Variants in ELAPOR2 observed in about 807,000 individuals in gnomAD.
ELAPOR2 encodes the protein endosome-lysosome associated apoptosis and autophagy regulator family member 2, also known as endosome/lysosome-associated apoptosis and autophagy regulator family member 2.
In ELAPOR2, 89 loss-of-function variants were observed where a neutral mutation model predicts 120.7. That is an observed-to-expected ratio of 0.74 (90% CI 0.62 to 0.88). ELAPOR2 has a LOEUF of 0.88. Ranked by LOEUF, ELAPOR2 falls within the 40% of genes least tolerant of loss-of-function variation. ELAPOR2 has a pLI of 0.00. For synonymous variants in ELAPOR2, 444 were observed against 444.9 expected (o/e 1.00, Z 0.03); for missense variants, 1,134 against 1,251.6 (o/e 0.91, Z 1.42).
intron 1 of ELAPOR2, among the ~76,000 whole-genome samples, chr7:86,974,021 G>A (rs943818642): frequency 2.0e-5 from 3 of 151,756 alleles, no homozygotes; most frequent in Admixed American, 1.3e-4. Flanking sequence ...GGGTCTTCAC[G>A]TAACTGGGTA....
At chr7:87,003,763 G>A (rs1793389225) in intron 1 of ELAPOR2, among the ~76,000 whole-genome samples, 1 of 152,160 alleles carries the variant, frequency 6.6e-6, no homozygotes. Context: ...GCACAAGAGT[G>A]CCTGAAAGCT....
chr7:87,016,850 T>C (rs917065810), intron 1 of ELAPOR2, among the ~76,000 whole-genome samples: 1 of 152,026 alleles, frequency 6.6e-6, no homozygotes, highest in African/African-American at 2.4e-5. Flanking sequence ...AAAAGTTCTC[T>C]AAATGTCAAA....
chr7:86,961,880 G>A (rs1482354648), intron 2 of ELAPOR2, among the ~76,000 whole-genome samples: 2 of 152,188 alleles, frequency 1.3e-5, no homozygotes, highest in Non-Finnish European at 2.9e-5. Context: ...GGCTGAGCCT[G>A]GAGCTAGCGG....
At chr7:87,054,390 C>A (rs990080724) in intron 1 of ELAPOR2, among the ~76,000 whole-genome samples, 3 of 152,146 alleles carry the variant, frequency 2.0e-5, no homozygotes, top group Non-Finnish European at 4.4e-5. Context: ...AATACTTGCT[C>A]GCATTTGCCT....
chr7:86,952,400 G>C (rs1299080705), intron 2 of ELAPOR2, among the ~76,000 whole-genome samples: 1 of 152,146 alleles, frequency 6.6e-6, no homozygotes, highest in Non-Finnish European at 1.5e-5. Flanking sequence ...TCAAATTCTG[G>C]TCTGTCTGAT....
chr7:87,059,198 G>C, intron 1 of ELAPOR2, 127 bp downstream of exon 1: 10 of 1,215,078 alleles, frequency 8.2e-6, no homozygotes, highest in Non-Finnish European at 9.3e-6. Context: ...CGAAGCAAAC[G>C]AAAGCCCCTG....
intron 3 of ELAPOR2, 75 bp downstream of exon 3, chr7:86,947,652 C>G: frequency 7.8e-7 from 1 of 1,287,156 alleles, no homozygotes; most frequent in Non-Finnish European, 1.1e-6. Flanking sequence ...TTATCCTCAT[C>G]TTCTTTCTGG....
chr7:86,931,316 G>A (rs554182426), intron 8 of ELAPOR2, among the ~76,000 whole-genome samples: 8 of 151,936 alleles, frequency 5.3e-5, no homozygotes, highest in East Asian at 3.9e-4. Context: ...TAACACTACC[G>A]TTACTGTCTC....
At chr7:86,974,894 A>C (rs1389327888) in intron 1 of ELAPOR2, among the ~76,000 whole-genome samples, 1 of 152,210 alleles carries the variant, frequency 6.6e-6, no homozygotes, top group Non-Finnish European at 1.5e-5. Flanking sequence ...CCTCAGTCTA[A>C]ATCACTTTCC....
At chr7:87,032,667 T>C (rs1438905297) in intron 1 of ELAPOR2, among the ~76,000 whole-genome samples, 1 of 152,194 alleles carries the variant, frequency 6.6e-6, no homozygotes, top group African/African-American at 2.4e-5. Flanking sequence ...CATGTGCTTC[T>C]TCACATAGAA....
At chr7:87,027,685 A>T (rs1794288840) in intron 1 of ELAPOR2, among the ~76,000 whole-genome samples, 1 of 152,156 alleles carries the variant, frequency 6.6e-6, no homozygotes, top group African/African-American at 2.4e-5. Context: ...CAGGGAGAAG[A>T]TGGCCATCCA....
chr7:86,949,915 C>T (rs1791171986), intron 2 of ELAPOR2, among the ~76,000 whole-genome samples: 1 of 152,210 alleles, frequency 6.6e-6, no homozygotes, highest in Admixed American at 6.5e-5. Flanking sequence ...GGGATGGGTC[C>T]CACAAAGCCC....
At chr7:86,895,384 C>T (rs1275356836) in intron 19 of ELAPOR2, among the ~76,000 whole-genome samples, 1 of 152,052 alleles carries the variant, frequency 6.6e-6, no homozygotes, top group East Asian at 1.9e-4. Flanking sequence ...TCAGGAATGA[C>T]ATTCATAGTT....
At chr7:86,911,026 TA>T (rs1482867547) in intron 15 of ELAPOR2, among the ~76,000 whole-genome samples, 2 of 151,304 alleles carry the variant, frequency 1.3e-5, no homozygotes, top group African/African-American at 4.9e-5. Flanking sequence ...TAGTGGAAGC[TA>T]AAAGGAAAGA....
At chr7:86,977,945 G>A (rs1792334869) in intron 1 of ELAPOR2, among the ~76,000 whole-genome samples, 1 of 152,114 alleles carries the variant, frequency 6.6e-6, no homozygotes, top group Non-Finnish European at 1.5e-5. Context: ...GCTTTTCAAT[G>A]GCATTCTCTT....
rs571145898 is a variant in ELAPOR2, at chr7:86,908,502, C to T, written c.2401G>A (p.Glu801Lys). Residue 801 changes from glutamate to lysine, a missense_variant, in exon 17 of 22, where the codon GAA becomes AAA. Physicochemically the swap from Glu to Lys is moderately conservative, Grantham distance 56 (BLOSUM62 1). This residue lies in a region of ELAPOR2 where 831 missense variants were observed against 867.6 expected (regional missense o/e 0.96). Transcript: ENST00000450689. ...ETTLKNINIK[E>K]DMFPVPTSQI... The stretch of plus-strand genomic sequence containing the variant: ...CTTGTTGGAACTGGGAACATATCTT[C>T]TTTTATATTAATATTTTTCAATGTG... The T allele has an allele frequency of 6.3e-7, 1 of 1,582,638 alleles. No homozygotes were observed. Among genetic ancestry groups the T allele is most frequent in the South Asian group, 1.2e-5 (1 of 85,764 alleles).
At chr7:86,941,978 GA>G in intron 5 of ELAPOR2, 39 bp downstream of exon 5, 1 of 1,267,934 alleles carries the variant, frequency 7.9e-7, no homozygotes, top group Non-Finnish European at 1.1e-6. Context: ...AAAGAAGAAG[GA>G]AAAATTGGCA....
intron 9 of ELAPOR2, among the ~76,000 whole-genome samples, chr7:86,926,132 G>C (rs1019766289): frequency 4.0e-5 from 6 of 151,890 alleles, no homozygotes; most frequent in Non-Finnish European, 8.8e-5. Context: ...TCAAAATATT[G>C]ACTATGTTGA....
chr7:87,018,780 T>C (rs1425852555), intron 1 of ELAPOR2, among the ~76,000 whole-genome samples: 5 of 152,222 alleles, frequency 3.3e-5, no homozygotes, highest in Non-Finnish European at 2.9e-5. Context: ...TGTCTGTCTC[T>C]GAGCTTACGG....
Sources: allele counts gnomAD v4.1 joint callset (sites outside exome capture counted in the v4.1 genomes callset), GRCh38; gene constraint gnomAD v4.1.1; regional missense constraint gnomAD v4.1.1; transcripts MANE v1.5; gene names NCBI Gene and HGNC (gene_info 2026-07-23, HGNC 2026-07-21).